RGS20: variants seen among roughly 807,000 people sequenced by gnomAD.
RGS20 encodes gz-selective GTPase-activating protein.
Under a neutral mutation model 33.6 loss-of-function variants are expected in RGS20, and 30 were observed. That is an observed-to-expected ratio of 0.89 (90% confidence interval 0.67 to 1.21). RGS20 has a LOEUF of 1.21. Among genes scored for constraint, RGS20 ranks in the 50% most tolerant of loss-of-function variants. RGS20 has a pLI of 0.00. For synonymous variants in RGS20, 208 were observed against 197.9 expected (o/e 1.05, Z -0.43); for missense variants, 472 against 502.4 (o/e 0.94, Z 0.58).
At chr8:53,886,301 C>G (rs1812546326) in intron 2 of RGS20, among the ~76,000 whole-genome samples, 1 of 152,110 alleles carries the variant, frequency 6.6e-6, no homozygotes, top group Non-Finnish European at 1.5e-5. Flanking sequence ...CATTCACAAT[C>G]AAGTTTGATG....
At chr8:53,947,125 T>G (rs1042577996) in intron 4 of RGS20, among the ~76,000 whole-genome samples, 4 of 146,932 alleles carry the variant, frequency 2.7e-5, no homozygotes, top group Admixed American at 6.9e-5. Flanking sequence ...GCATATATAC[T>G]TATATATGCT....
At chr8:53,914,914 G>C (rs534882473) in intron 2 of RGS20, 1 of 152,400 alleles carries the variant, frequency 6.6e-6, no homozygotes, top group South Asian at 2.1e-4. Flanking sequence ...GGGAGGCCAA[G>C]GCGGTGGATC....
chr8:53,918,801 C>CATCAGTTGGTAGATCT (rs1813568261), intron 2 of RGS20, among the ~76,000 whole-genome samples: 1 of 152,124 alleles, frequency 6.6e-6, no homozygotes, highest in Non-Finnish European at 1.5e-5. Flanking sequence ...TTTGTTTATC[C>CATCAGTTGGTAGATCT]ATCAGTTGAT....
intron 5 of RGS20, among the ~76,000 whole-genome samples, chr8:53,956,221 C>T (rs1814859489): frequency 1.3e-5 from 2 of 152,090 alleles, no homozygotes; most frequent in Non-Finnish European, 2.9e-5. Flanking sequence ...GTGATCACTG[C>T]AAGTATACAC....
At chr8:53,911,263 G>A (rs1375180463) in intron 2 of RGS20, among the ~76,000 whole-genome samples, 1 of 152,152 alleles carries the variant, frequency 6.6e-6, no homozygotes, top group African/African-American at 2.4e-5. Flanking sequence ...TTAAAAAGTA[G>A]ATGAAGAATA....
At chr8:53,948,378 TTATA>T (rs1408407976) in intron 4 of RGS20, among the ~76,000 whole-genome samples, 1 of 142,434 alleles carries the variant, frequency 7.0e-6, no homozygotes, top group Admixed American at 7.1e-5. Context: ...CAGTATATAT[TTATA>T]TATGCTATAT....
At chr8:53,899,251 C>T (rs1362752337) in intron 2 of RGS20, among the ~76,000 whole-genome samples, 3 of 152,132 alleles carry the variant, frequency 2.0e-5, no homozygotes, top group Non-Finnish European at 4.4e-5. Context: ...TTCCTTTTCT[C>T]AGGTGTCTCA....
intron 1 of RGS20, among the ~76,000 whole-genome samples, chr8:53,852,218 G>C (rs182781089): frequency 6.6e-6 from 1 of 152,268 alleles, no homozygotes; most frequent in African/African-American, 2.4e-5. Context: ...GGGAAATCTA[G>C]AACCTAGATG....
intron 2 of RGS20, chr8:53,933,707 T>G (rs1814041862): frequency 6.5e-6 from 1 of 153,442 alleles, no homozygotes; most frequent in South Asian, 2.1e-4. Flanking sequence ...CTGGGAGAAC[T>G]TCCCCAACCT....
chr8:53,936,290 G>A (rs1327231598), intron 2 of RGS20, among the ~76,000 whole-genome samples: 1 of 152,134 alleles, frequency 6.6e-6, no homozygotes, highest in Non-Finnish European at 1.5e-5. Flanking sequence ...ATCCAAATAG[G>A]AAGAGAGAGA....
rs1474885364 is a variant in RGS20 at position 53,879,336 on chromosome 8, C to T, written c.244C>T (p.Leu82Phe). The change falls in exon 2 of 6, where the codon CTC becomes TTC. Residue 82 changes from leucine to phenylalanine, a missense_variant. Physicochemically the swap from Leu to Phe is conservative, Grantham distance 22 (BLOSUM62 0). Around this residue, in one of 3 missense-constraint regions of RGS20, gnomAD observed 319 missense variants for 283.4 expected, o/e 1.13. Coordinates refer to ENST00000297313, the MANE Select transcript of RGS20 (RefSeq NM_170587.4). Reference sequence around the variant, plus strand: ...CCTCCTTTCTAGCCCGCTTTCCAGCCTCGCAAGGTTCTTCTCTCACCTTCT... The same window carrying T: ...CCTCCTTTCTAGCCCGCTTTCCAGCTTCGCAAGGTTCTTCTCTCACCTTCT... 6.2e-7 allele frequency: 1 copy of T among 1,613,008 alleles called. No homozygotes were observed.
intron 1 of RGS20, among the ~76,000 whole-genome samples, chr8:53,862,088 C>T (rs1287509072): frequency 6.6e-6 from 1 of 152,248 alleles, no homozygotes; most frequent in Non-Finnish European, 1.5e-5. Flanking sequence ...TGGTCGTTAG[C>T]CTGGACCAAA....
intron 2 of RGS20, among the ~76,000 whole-genome samples, chr8:53,915,737 G>A (rs1179716891): frequency 2.6e-5 from 4 of 152,134 alleles, no homozygotes; most frequent in Non-Finnish European, 4.4e-5. Context: ...TGAGGACAAG[G>A]ACAGGGCTGG....
chr8:53,931,872 A>T (rs929257365), intron 2 of RGS20, among the ~76,000 whole-genome samples: 1 of 152,256 alleles, frequency 6.6e-6, no homozygotes, highest in Admixed American at 6.5e-5. Flanking sequence ...ACTCCGACCC[A>T]GACAGTACTC....
intron 2 of RGS20, chr8:53,879,711 GGA>G: frequency 2.0e-6 from 2 of 995,632 alleles, no homozygotes; most frequent in Non-Finnish European, 2.8e-6. Context: ...CTAGCAGTAG[GGA>G]GGGTGGCAAG....
At chr8:53,905,921 C>G (rs1012092613) in intron 2 of RGS20, among the ~76,000 whole-genome samples, 3 of 152,156 alleles carry the variant, frequency 2.0e-5, no homozygotes, top group Admixed American at 6.6e-5. Context: ...TCCCTCTCCC[C>G]AACACACTTT....
At chr8:53,888,669 G>C (rs551894172) in intron 2 of RGS20, among the ~76,000 whole-genome samples, 1 of 152,236 alleles carries the variant, frequency 6.6e-6, no homozygotes, top group East Asian at 1.9e-4. Context: ...TCTAGATGAA[G>C]ATATAGGATA....
chr8:53,879,253 C>T lies in RGS20; in HGVS notation c.166-5C>T. On this transcript the variant is annotated splice_region_variant and splice_polypyrimidine_tract_variant and intron_variant, in intron 1 of 5. Coordinates refer to ENST00000297313, the MANE Select transcript of RGS20 (RefSeq NM_170587.4). ...GCTGGTTTTGTTTCTCTCTCCCCAC[C>T]CCAGTCCTTCCCGCCTGCACAGCTC... 1 of 1,612,736 alleles carries T rather than the reference C, an allele frequency of 6.2e-7. No homozygotes were observed. Among genetic ancestry groups the T allele is most frequent in the Non-Finnish European group, 8.5e-7 (1 of 1,179,012 alleles).
chr8:53,900,740 T>C (rs1812993031), intron 2 of RGS20, among the ~76,000 whole-genome samples: 1 of 152,130 alleles, frequency 6.6e-6, no homozygotes, highest in Non-Finnish European at 1.5e-5. Context: ...AAGGTCAGGA[T>C]GGCAGGGCTC....
Sources: gnomAD v4.1 joint callset for allele counts (sites outside exome capture counted in the v4.1 genomes callset) on GRCh38, gnomAD v4.1.1 for gene constraint, gnomAD v4.1.1 regional missense constraint, MANE v1.5 for transcripts, NCBI Gene and HGNC (gene_info 2026-07-23, HGNC 2026-07-21) for gene names.